The following PIK3R6 variants were observed in gnomAD, a reference collection of about 807,000 sequenced individuals.
PIK3R6 encodes phosphoinositide 3-kinase regulatory subunit 6.
A neutral mutation model predicts 84.9 loss-of-function variants in PIK3R6; 91 were observed. That is an observed-to-expected ratio of 1.07 (90% CI 0.90 to 1.28). PIK3R6 has a LOEUF of 1.28. PIK3R6 is among the 50% of genes most tolerant of loss of function. The pLI is 0.00. For synonymous variants in PIK3R6, 416 were observed against 411.4 expected (o/e 1.01, Z -0.13); for missense variants, 996 against 985.1 (o/e 1.01, Z -0.15).
intron 5 of PIK3R6, 88 bp downstream of exon 5, chr17:8,837,715 C>A (rs966489194): frequency 8.5e-7 from 1 of 1,174,778 alleles, no homozygotes; most frequent in Non-Finnish European, 1.2e-6. Context: ...CTCATCCTGG[C>A]GGAGACTGAG....
At chr17:8,851,718 G>A (rs1219375950) in intron 1 of PIK3R6, among the ~76,000 whole-genome samples, 3 of 152,150 alleles carry the variant, frequency 2.0e-5, no homozygotes, top group Non-Finnish European at 4.4e-5. Flanking sequence ...TCTTCAAAAA[G>A]TCAAGCATAG....
chr17:8,820,319 T>C (rs2087694013), intron 17 of PIK3R6, among the ~76,000 whole-genome samples: 1 of 151,584 alleles, frequency 6.6e-6, no homozygotes, highest in Admixed American at 6.6e-5. Context: ...GGAGAGTCTG[T>C]GAGAGAAATG....
chr17:8,852,969 T>A (rs1426924999), intron 1 of PIK3R6, among the ~76,000 whole-genome samples: 1 of 151,970 alleles, frequency 6.6e-6, no homozygotes, highest in Admixed American at 6.6e-5. Flanking sequence ...AGGGAAATAT[T>A]GGACAAATGG....
At chr17:8,845,168 T>C (rs1415640891) in intron 2 of PIK3R6, among the ~76,000 whole-genome samples, 2 of 152,140 alleles carry the variant, frequency 1.3e-5, no homozygotes, top group Admixed American at 6.5e-5. Flanking sequence ...GAATGATTTG[T>C]TTTTGGGGGG....
chr17:8,812,124 C>G (rs2087375690), intron 18 of PIK3R6, among the ~76,000 whole-genome samples: 1 of 152,186 alleles, frequency 6.6e-6, no homozygotes, highest in Non-Finnish European at 1.5e-5. Context: ...CAGGGAAACT[C>G]CTTCTTATAC....
At chr17:8,837,906 C>G (rs768370072) in intron 4 of PIK3R6, 35 bp from the exon 5 acceptor site, 1 of 1,585,112 alleles carries the variant, frequency 6.3e-7, no homozygotes, top group African/African-American at 1.3e-5. Flanking sequence ...AGGTATTGGG[C>G]TGGGGGAATC....
chr17:8,822,066 T>C, intron 16 of PIK3R6, 130 bp from the exon 17 acceptor site: 1 of 740,572 alleles, frequency 1.4e-6, no homozygotes, highest in Admixed American at 2.9e-5. Flanking sequence ...TTTTTTTTTT[T>C]TTTTTGAGCC....
At chr17:8,860,296 C>G (rs537853336) in intron 1 of PIK3R6, among the ~76,000 whole-genome samples, 2 of 150,900 alleles carry the variant, frequency 1.3e-5, no homozygotes, top group Non-Finnish European at 2.9e-5. Flanking sequence ...GGGCGGGGGG[C>G]GGTGTGGGCA....
chr17:8,839,714 G>A lies in PIK3R6; in HGVS notation c.14-17C>T, dbSNP rs1022917527. The A allele has an allele frequency of 3.9e-6, 6 of 1,555,898 alleles. No homozygotes were observed. The highest frequency in any genetic ancestry group is 5.2e-6 in the Non-Finnish European group (6 of 1,148,550). ...GCTCCACATCTGGGCAGTGGTAGGG[G>A]TGGGAGGAAACTCAGTCCACTGAAC... On this transcript the variant is annotated splice_polypyrimidine_tract_variant and intron_variant, in intron 2 of 19. Coordinates refer to ENST00000619866, the MANE Select transcript of PIK3R6 (RefSeq NM_001010855.4). The surrounding 1 kb of genome is among the most constrained non-coding windows in gnomAD (Gnocchi z 4.2).
intron 9 of PIK3R6, among the ~76,000 whole-genome samples, chr17:8,830,331 C>T (rs1460026377): frequency 2.6e-5 from 4 of 152,236 alleles, no homozygotes; most frequent in East Asian, 1.9e-4. Context: ...AAGGACAGCC[C>T]TTCTTCCTGC....
chr17:8,821,516 G>A (rs185893472), intron 17 of PIK3R6, among the ~76,000 whole-genome samples: 14 of 151,262 alleles, frequency 9.3e-5, no homozygotes, highest in Admixed American at 6.6e-4. Flanking sequence ...CATTTTTTTT[G>A]GAATGACAGT....
intron 11 of PIK3R6, 96 bp downstream of exon 11, chr17:8,828,471 C>T (rs2088025958): frequency 6.9e-7 from 1 of 1,455,360 alleles, no homozygotes; most frequent in Non-Finnish European, 9.3e-7. Flanking sequence ...GCCTCCTGAC[C>T]CTCTCTTGCC....
chr17:8,837,741 G>A, intron 5 of PIK3R6, 62 bp downstream of exon 5: 5 of 1,407,184 alleles, frequency 3.6e-6, no homozygotes, highest in Non-Finnish European at 5.0e-6. Flanking sequence ...ACTAAGGGGA[G>A]AGTGTCCAGC....
Position 8,829,775 on chromosome 17 carries a change from G to T in PIK3R6, c.820C>A (p.Arg274=). 1.3e-6 allele frequency: 2 copies of T among 1,551,676 alleles called. No homozygotes were observed. The highest frequency in any genetic ancestry group is 1.7e-6 in the Non-Finnish European group (2 of 1,147,278). Residue 274 remains arginine (R), a synonymous_variant, in exon 10 of 20, where the codon CGG becomes AGG. Transcript: ENST00000619866. ...GRCGGDLVQE[R]PPSIPLPSPY... Reference sequence around the variant, plus strand: ...CTGGGCAGGGGAATGCTTGGTGGCCGCTCTTGGACAAGGTCACCTGCAGAA... The same window carrying T: ...CTGGGCAGGGGAATGCTTGGTGGCCTCTCTTGGACAAGGTCACCTGCAGAA...
Position 8,836,591 on chromosome 17 carries a change from A to T in PIK3R6, c.417T>A (p.Ile139=), listed in dbSNP as rs1265835292. ...VPGTLYQRMV[I]AEQNLTNELY... is the part of the protein sequence containing the mutation. ...GCTCATTCGTCAAGTTCTGTTCGGCAATGACCATCCTTTGGTACAGTGTCC... is the reference window on the plus strand; with the variant it reads ...GCTCATTCGTCAAGTTCTGTTCGGCTATGACCATCCTTTGGTACAGTGTCC... Residue 139 remains isoleucine (I), a synonymous_variant, in exon 7 of 20, where the codon ATT becomes ATA. Coordinates refer to ENST00000619866, the MANE Select transcript of PIK3R6 (RefSeq NM_001010855.4). 1 of 1,613,946 alleles carries T rather than the reference A, an allele frequency of 6.2e-7. No individual in the cohort carries two copies. The highest frequency in any genetic ancestry group is 8.5e-7 in the Non-Finnish European group (1 of 1,179,884).
At chr17:8,812,990 C>T (rs537810052) in intron 18 of PIK3R6, among the ~76,000 whole-genome samples, 1 of 151,962 alleles carries the variant, frequency 6.6e-6, no homozygotes, top group Admixed American at 6.6e-5. Context: ...AATTGATAGA[C>T]CACTAGCTAA....
chr17:8,829,496 ACACT>A (rs1206401894), intron 10 of PIK3R6, among the ~76,000 whole-genome samples: 3 of 123,106 alleles, frequency 2.4e-5, no homozygotes, highest in African/African-American at 6.7e-5. Flanking sequence ...GCATACACAC[ACACT>A]GACACACACT....
chr17:8,838,818 C>T (rs1454722113), intron 3 of PIK3R6, among the ~76,000 whole-genome samples, 163 bp from the exon 4 acceptor site: 1 of 152,234 alleles, frequency 6.6e-6, no homozygotes, highest in Non-Finnish European at 1.5e-5. Context: ...TGGGTGGGCT[C>T]CTCCCAAGTG....
chr17:8,817,270 T>C (rs1275718316), intron 18 of PIK3R6, among the ~76,000 whole-genome samples: 1 of 152,224 alleles, frequency 6.6e-6, no homozygotes, highest in Admixed American at 6.5e-5. Context: ...TCTCCAGGGA[T>C]TGGGACTACT....
Sources: allele counts gnomAD v4.1 joint callset (sites outside exome capture counted in the v4.1 genomes callset), GRCh38; gene constraint gnomAD v4.1.1; non-coding constraint Gnocchi (gnomAD v3.1); transcripts MANE v1.5; gene names NCBI Gene and HGNC (gene_info 2026-07-23, HGNC 2026-07-21).